PTK6: variants seen among roughly 807,000 people sequenced by gnomAD.
PTK6 encodes protein tyrosine kinase 6, also known as protein-tyrosine kinase 6.
PTK6 carries 47 observed loss-of-function variants against 47.5 expected under a neutral mutation model. The ratio of observed to expected loss-of-function variants is 0.99; its 90% CI spans 0.78 to 1.26. The LOEUF (loss-of-function observed/expected upper bound fraction) is 1.26, where lower values mean the gene tolerates loss of function less well. Ranked by LOEUF, PTK6 falls within the 50% of genes most tolerant of loss-of-function variation. The pLI, the probability that PTK6 is intolerant of heterozygous loss-of-function variation, is 0.00. For synonymous variants in PTK6, 287 were observed against 276.5 expected, an observed-to-expected ratio of 1.04 and a Z score of -0.38; for missense variants, 618 against 625.3, an observed-to-expected ratio of 0.99 and a Z score of 0.12.
chr20:63,531,099 G>A (rs1392431855), intron 5 of PTK6, among the ~76,000 whole-genome samples, 172 bp from the exon 6 acceptor site: 3 of 152,178 alleles, frequency 2.0e-5, no homozygotes, highest in African/African-American at 4.8e-5. Flanking sequence ...GCCAGCTACC[G>A]CCCTTCTGGA....
In PTK6 at chr20:63,533,414, A is replaced by G. The variant is rs1472502797; in HGVS notation, c.670+137T>C. 2.9e-6 allele frequency: 3 copies of G among 1,050,444 alleles called. No individual in the cohort carries two copies. The highest frequency in any genetic ancestry group is 3.3e-5 in the African/African-American group (2 of 60,614). The allele number at this position is 1,050,444 out of a possible 1,614,324, so 65.1% of individuals were successfully genotyped here. A position where few individuals can be genotyped will look rare whatever the true frequency, so the allele number is the denominator to read the frequency against. ...GTATTTAGGTAAAAACATAGGTGCA[A>G]TTGAAAGGGAACCACTCTCGCATGG... On this transcript the variant is annotated intron_variant, in intron 4 of 7. Coordinates refer to ENST00000542869, the MANE Select transcript of PTK6 (RefSeq NM_005975.4). This position sits in a 1 kb window ranked among gnomAD's most constrained non-coding sequence, Gnocchi z 4.0.
Position 63,529,989 on chromosome 20 carries a change from G to A in PTK6, c.1168+89C>T. The A allele has an allele frequency of 6.7e-7, 1 of 1,500,728 alleles. No individual in the cohort carries two copies. Among genetic ancestry groups the A allele is most frequent in the East Asian group, 2.3e-5 (1 of 43,016 alleles). 93.0% of individuals were successfully genotyped at this position (1,500,728 alleles called of 1,614,324 possible). On this transcript the variant is annotated intron_variant, in intron 7 of 7. Transcript: ENST00000542869. This position sits in a 1 kb window ranked among gnomAD's most constrained non-coding sequence, Gnocchi z 5.6. ...CCCGCGGAGGGCCCTGAAGCCCGTG[G>A]GGGAGGCACCCCCCAGCGTCCCTGC...
chr20:63,529,720 A>C lies in PTK6; in HGVS notation c.1172T>G (p.Met391Arg). 6.5e-7 allele frequency: 1 copy of C among 1,540,330 alleles called. No homozygotes were observed. The highest frequency in any genetic ancestry group is 8.7e-7 in the Non-Finnish European group (1 of 1,144,206). The change falls in exon 8 of 8, where the codon ATG (methionine) becomes AGG (arginine). Residue 391 changes from methionine to arginine, a missense_variant. Coordinates refer to ENST00000542869, the MANE Select transcript of PTK6 (RefSeq NM_005975.4). This position sits in a 1 kb window ranked among gnomAD's most constrained non-coding sequence, Gnocchi z 5.6. ...CCTCAGGAAGGCCTCATGGTTGGACATGCCTGCGGCCGACAGGGATGAGAA... is the reference window on the plus strand; with the variant it reads ...CCTCAGGAAGGCCTCATGGTTGGACCTGCCTGCGGCCGACAGGGATGAGAA... The part of the protein sequence containing the change: ...FSRGQVPYPG[M>R]SNHEAFLRVD...
In PTK6 at chr20:63,530,917, C is replaced by T. The variant is rs1440421262; in HGVS notation, c.843G>A (p.Glu281=). 6.2e-7 allele frequency: 1 copy of T among 1,610,024 alleles called. No homozygotes were observed. The highest frequency in any genetic ancestry group is 8.5e-7 in the Non-Finnish European group (1 of 1,178,182). ...SLLELLRDSD[E]KVLPVSELLD... ...GCAGCTCCGAAACGGGCAGGACTTT[C>T]TCATCAGAGTCTGCAGAGGGGAGTG... Residue 281 remains glutamate, a synonymous_variant, in exon 6 of 8, where the codon GAG becomes GAA. Transcript: ENST00000542869. The surrounding 1 kb of genome is among the most constrained non-coding windows in gnomAD (Gnocchi z 4.1).
In PTK6 at chr20:63,529,607, C is replaced by T. The variant is rs201157910; in HGVS notation, c.1285G>A (p.Glu429Lys). The change falls in exon 8 of 8, where the codon GAG (glutamate) becomes AAG (lysine). Residue 429 changes from glutamate to lysine, a missense_variant. Coordinates refer to ENST00000542869, the MANE Select transcript of PTK6 (RefSeq NM_005975.4). This position sits in a 1 kb window ranked among gnomAD's most constrained non-coding sequence, Gnocchi z 5.6. The stretch of plus-strand genomic sequence containing the variant: ...AGGGCCTTGAAGCAGGGTCTCTGCT[C>T]GGGGTCCCTGCACCAGCATGTCAGC... The part of the protein sequence containing the change: ...LMLTCWCRDP[E>K]QRPCFKALRE... 5.8e-6 allele frequency: 9 copies of T among 1,561,304 alleles called. No homozygotes were observed. The East Asian group carries it at 7.1e-5, about 12-fold the overall frequency.
Position 63,528,218 on chromosome 20 carries a change from C to G in PTK6, c.*1318G>C, listed in dbSNP as rs1025058396. Reference sequence around the variant, plus strand: ...AGTTTCTGCAACATTCATATCAAAACCAAACCCGTAAATAGAACCTCCAGA... The same window carrying G: ...AGTTTCTGCAACATTCATATCAAAAGCAAACCCGTAAATAGAACCTCCAGA... On this transcript the variant is annotated 3_prime_UTR_variant, in exon 8 of 8. Transcript: ENST00000542869. 2 of 152,112 alleles carry G rather than the reference C, an allele frequency of 1.3e-5. No homozygotes were observed. The highest frequency in any genetic ancestry group is 2.9e-5 in the Non-Finnish European group (2 of 68,030). 9.4% of individuals were successfully genotyped at this position (152,112 alleles called of 1,614,324 possible). A position where few individuals can be genotyped will look rare whatever the true frequency, so the allele number is the denominator to read the frequency against.
At position 63,530,619 on chromosome 20, in the gene PTK6, C is replaced by A. The variant is rs1409682553; in HGVS notation, c.1014+127G>T. On this transcript the variant is annotated intron_variant, in intron 6 of 7. Transcript: ENST00000542869. The surrounding 1 kb of genome is among the most constrained non-coding windows in gnomAD (Gnocchi z 4.1). Reference sequence around the variant, plus strand: ...GGTGGCTTCCCACCTCCCTGCCCAGCCTGGGCTCCCGAGGGCAGGGGCCGC... The same window carrying A: ...GGTGGCTTCCCACCTCCCTGCCCAGACTGGGCTCCCGAGGGCAGGGGCCGC... 4 of 1,226,124 alleles carry A rather than the reference C, an allele frequency of 3.3e-6. No homozygotes were observed. The highest frequency in any genetic ancestry group is 4.5e-6 in the Non-Finnish European group (4 of 896,074). The allele number at this position is 1,226,124 out of a possible 1,614,324, so 76.0% of individuals were successfully genotyped here.
At chr20:63,534,129 C>G in intron 3 of PTK6, 23 bp downstream of exon 3, 1 of 1,526,240 alleles carries the variant, frequency 6.6e-7, no homozygotes, top group Non-Finnish European at 8.8e-7. Flanking sequence ...CCCCGCGTGA[C>G]CAAGTCAGGG....
rs543950802 is a variant in PTK6, at chr20:63,532,295, TTGTG to T, written c.832+227_832+230del. On this transcript the variant is annotated intron_variant, in intron 5 of 7. Transcript: ENST00000542869. Reference sequence around the variant, plus strand: ...GTCTGTGTGTGTCATGTGATGTGTCTTGTGTGTGTGTCTGTGTGTGCATGTGTAT... The same window carrying T: ...GTCTGTGTGTGTCATGTGATGTGTCTTGTGTGTCTGTGTGTGCATGTGTAT... Among the ~76,000 whole-genome samples the T allele has an allele frequency of 1.9e-4, 24 of 124,786 alleles. 1 individual carries two copies. Among genetic ancestry groups the T allele is most frequent in the Admixed American group, 1.4e-3 (19 of 13,828 alleles). The allele number at this position is 124,786 out of a possible 152,430, so 81.9% of individuals were successfully genotyped here.
chr20:63,530,653 C>T lies in PTK6; in HGVS notation c.1014+93G>A, dbSNP rs148105774. ...CCGAGGGCAGGGGCCGCATCCTGCT[C>T]CCAGCCGAGTCCCCAGCTCCACACA... On this transcript the variant is annotated intron_variant, in intron 6 of 7. Transcript: ENST00000542869. The surrounding 1 kb of genome is among the most constrained non-coding windows in gnomAD (Gnocchi z 4.1). The T allele has an allele frequency of 3.2e-5, 46 of 1,455,668 alleles. No homozygotes were observed. The African/African-American group carries it at 5.9e-4, about 19-fold the overall frequency. 90.2% of individuals were successfully genotyped at this position (1,455,668 alleles called of 1,614,324 possible). A position where few individuals can be genotyped will look rare whatever the true frequency, so the allele number is the denominator to read the frequency against.
Position 63,529,775 on chromosome 20 carries a change from C to G in PTK6, c.1169-52G>C, listed in dbSNP as rs2082603691. The G allele has an allele frequency of 6.8e-7, 1 of 1,474,076 alleles. No individual in the cohort carries two copies. Among genetic ancestry groups the G allele is most frequent in the Non-Finnish European group, 9.1e-7 (1 of 1,101,186 alleles). The allele number at this position is 1,474,076 out of a possible 1,614,324, so 91.3% of individuals were successfully genotyped here. On this transcript the variant is annotated intron_variant, in intron 7 of 7. Coordinates refer to ENST00000542869, the MANE Select transcript of PTK6 (RefSeq NM_005975.4). The surrounding 1 kb of genome is among the most constrained non-coding windows in gnomAD (Gnocchi z 5.6). Reference sequence around the variant, plus strand: ...TGGGGCCCACCTGCCTACCCTCCCCCAAGAAGCCACACCAGCCATCCACTG... The same window carrying G: ...TGGGGCCCACCTGCCTACCCTCCCCGAAGAAGCCACACCAGCCATCCACTG...
chr20:63,529,823 C>CA lies in PTK6; in HGVS notation c.1169-101dup. The CA allele has an allele frequency of 7.6e-7, 1 of 1,322,690 alleles. No individual in the cohort carries two copies. The highest frequency in any genetic ancestry group is 1.0e-6 in the Non-Finnish European group (1 of 976,790). 81.9% of individuals were successfully genotyped at this position (1,322,690 alleles called of 1,614,324 possible). ...CTGCCCCTTCCTGGGGCCTTCCCCG[C>CA]AGCCTCAGCTGCCATGCCTTGGCGC... On this transcript the variant is annotated intron_variant, in intron 7 of 7. Transcript: ENST00000542869. This position sits in a 1 kb window ranked among gnomAD's most constrained non-coding sequence, Gnocchi z 5.6.
intron 5 of PTK6, among the ~76,000 whole-genome samples, chr20:63,531,146 G>A (rs2082615945): frequency 6.6e-6 from 1 of 152,180 alleles, no homozygotes; most frequent in Non-Finnish European, 1.5e-5. Context: ...AGCAAGCTGG[G>A]CGTGGTGGCT....
Position 63,530,669 on chromosome 20 carries a change from G to A in PTK6, c.1014+77C>T, listed in dbSNP as rs2082611074. ...CATCCTGCTCCCAGCCGAGTCCCCA[G>A]CTCCACACACAGGAAGCCCCCAGCC... On this transcript the variant is annotated intron_variant, in intron 6 of 7. Coordinates refer to ENST00000542869, the MANE Select transcript of PTK6 (RefSeq NM_005975.4). This position sits in a 1 kb window ranked among gnomAD's most constrained non-coding sequence, Gnocchi z 4.1. The A allele has an allele frequency of 1.3e-6, 2 of 1,521,132 alleles. No individual in the cohort carries two copies. The highest frequency in any genetic ancestry group is 8.9e-7 in the Non-Finnish European group (1 of 1,117,916). 94.2% of individuals were successfully genotyped at this position (1,521,132 alleles called of 1,614,324 possible). A position where few individuals can be genotyped will look rare whatever the true frequency, so the allele number is the denominator to read the frequency against.
chr20:63,535,318 G>A (rs2082656163), intron 1 of PTK6, among the ~76,000 whole-genome samples: 1 of 152,166 alleles, frequency 6.6e-6, no homozygotes, highest in Admixed American at 6.5e-5. Context: ...CCGAGTCTAG[G>A]GGTCAGAGCC....
At position 63,535,292 on chromosome 20, in the gene PTK6, C is replaced by A. The variant is rs374426760; in HGVS notation, c.231-233G>T. ...GGGGGCAGGGGCAGGCGCTACCACACCCTGCCCTGAGTGGCCCGAGTCTAG... is the reference window on the plus strand; with the variant it reads ...GGGGGCAGGGGCAGGCGCTACCACAACCTGCCCTGAGTGGCCCGAGTCTAG... On this transcript the variant is annotated intron_variant, in intron 1 of 7. Coordinates refer to ENST00000542869, the MANE Select transcript of PTK6 (RefSeq NM_005975.4). 2.0e-5 allele frequency among the ~76,000 whole-genome samples: 3 copies of A among 152,306 alleles called. No homozygotes were observed. The South Asian group carries it at 6.2e-4, about 32-fold the overall frequency.
intron 1 of PTK6, among the ~76,000 whole-genome samples, chr20:63,535,511 A>G (rs1036934609): frequency 6.6e-6 from 1 of 152,016 alleles, no homozygotes; most frequent in African/African-American, 2.4e-5. Flanking sequence ...ACACGCACGC[A>G]CACACAGCCA....
rs751314030 is a variant in PTK6, at chr20:63,530,814, T to C, written c.946A>G (p.Arg316Gly). The C allele has an allele frequency of 2.5e-6, 4 of 1,614,098 alleles. No individual in the cohort carries two copies. Among genetic ancestry groups the C allele is most frequent in the South Asian group, 2.2e-5 (2 of 91,062 alleles). ...QNYIHRDLAARNILVGENTLC... is the reference protein window; with the variant it reads ...QNYIHRDLAAGNILVGENTLC... ...GTGTTTTCCCCGACGAGGATGTTCC[T>C]GGCGGCCAGGTCCCGGTGGATGTAA... The change falls in exon 6 of 8, where the codon AGG (arginine) becomes GGG (glycine). Residue 316 changes from arginine (R) to glycine (G), a missense_variant. Arg to Gly is a moderately radical substitution (Grantham distance 125). Transcript: ENST00000542869. The surrounding 1 kb of genome is among the most constrained non-coding windows in gnomAD (Gnocchi z 4.1).
In PTK6 at chr20:63,533,534, G is replaced by C. The variant is rs1006232281; in HGVS notation, c.670+17C>G. On this transcript the variant is annotated intron_variant, in intron 4 of 7. Coordinates refer to ENST00000542869, the MANE Select transcript of PTK6 (RefSeq NM_005975.4). This position sits in a 1 kb window ranked among gnomAD's most constrained non-coding sequence, Gnocchi z 4.0. ...CAGGCACGGGGCCACACAGAGCCCT[G>C]ATCGGGGCCCACTCACCTCGAGAAA... 4 of 1,593,332 alleles carry C rather than the reference G, an allele frequency of 2.5e-6. No individual in the cohort carries two copies. The highest frequency in any genetic ancestry group is 3.4e-6 in the Non-Finnish European group (4 of 1,167,424).
Sources: gnomAD v4.1 joint callset for allele counts (sites outside exome capture counted in the v4.1 genomes callset) on GRCh38, gnomAD v4.1.1 for gene constraint, Gnocchi (gnomAD v3.1) non-coding constraint, MANE v1.5 for transcripts, NCBI Gene and HGNC (gene_info 2026-07-23, HGNC 2026-07-21) for gene names.